RBM46: variants seen among roughly 807,000 people sequenced by gnomAD.
The protein encoded by RBM46 is RNA binding motif protein 46, also known as probable RNA-binding protein 46.
A neutral mutation model predicts 43.3 loss-of-function variants in RBM46; 12 were observed. That is an observed-to-expected ratio of 0.28 (90% CI 0.18 to 0.45). The LOEUF is 0.45. Among genes scored for constraint, RBM46 ranks in the 20% least tolerant of loss-of-function variants. The pLI is 1.00. For synonymous variants in RBM46, 205 were observed against 207.6 expected (o/e 0.99, Z 0.11); for missense variants, 412 against 639.1 (o/e 0.64, Z 3.83).
Position 154,799,032 on chromosome 4 carries a change from T to C in RBM46, c.870T>C (p.Val290=), listed in dbSNP as rs760752543. ...NREDAVAAMS[V]MNGKCIDGAS... is the part of the protein sequence containing the mutation. ...AAGATGCAGTGGCTGCCATGTCTGT[T>C]ATGAATGGAAAATGCATTGATGGAG... Residue 290 remains valine, a synonymous_variant, in exon 4 of 5, where the codon GTT becomes GTC. Coordinates refer to ENST00000281722, the MANE Select transcript of RBM46 (RefSeq NM_144979.5). 80 of 1,614,076 alleles carry C rather than the reference T, an allele frequency of 5.0e-5. No individual in the cohort carries two copies. Among genetic ancestry groups the C allele is most frequent in the Non-Finnish European group, 6.4e-5 (75 of 1,180,038 alleles).
rs156589 is a variant in RBM46, at chr4:154,805,584, A to G, written c.1402+6020A>G. On this transcript the variant is annotated intron_variant, in intron 4 of 4. Coordinates refer to ENST00000281722, the MANE Select transcript of RBM46 (RefSeq NM_144979.5). ...GTTATCACTTGTAAATTTGTTGTTG[A>G]AAGTTACACTTTTGTGAAAGTATAC... Among the ~76,000 whole-genome samples the G allele has an allele frequency of 3.9e-3, 588 of 152,148 alleles. 9 individuals carry two copies. The highest frequency in any genetic ancestry group is 0.013 in the African/African-American group (554 of 41,584).
At chr4:154,788,002 A>C (rs1017884199) in intron 1 of RBM46, among the ~76,000 whole-genome samples, 3 of 152,080 alleles carry the variant, frequency 2.0e-5, no homozygotes, top group African/African-American at 7.2e-5. Flanking sequence ...GTGTCTGTTC[A>C]TATCCTTCGC....
chr4:154,788,368 G>A (rs1366070018), intron 1 of RBM46, among the ~76,000 whole-genome samples: 2 of 152,144 alleles, frequency 1.3e-5, no homozygotes, highest in East Asian at 1.9e-4. Flanking sequence ...TTTATATAAG[G>A]TGTAAGGAAG....
intron 4 of RBM46, among the ~76,000 whole-genome samples, chr4:154,821,400 T>C (rs750090599): frequency 1.3e-5 from 2 of 151,772 alleles, no homozygotes; most frequent in Non-Finnish European, 3.0e-5. Flanking sequence ...TACAACTTTT[T>C]TTTTAACCTA....
intron 4 of RBM46, among the ~76,000 whole-genome samples, chr4:154,821,940 C>G (rs1735740007): frequency 6.6e-6 from 1 of 151,682 alleles, no homozygotes; most frequent in African/African-American, 2.4e-5. Flanking sequence ...ATAAGCCTAT[C>G]TGTTCTAAAT....
chr4:154,791,718 C>T (rs1407622715), intron 1 of RBM46, among the ~76,000 whole-genome samples: 1 of 152,000 alleles, frequency 6.6e-6, no homozygotes. Context: ...ATAATGAGTT[C>T]TTTGTAAGAA....
At chr4:154,800,226 T>C (rs1309982990) in intron 4 of RBM46, among the ~76,000 whole-genome samples, 1 of 152,138 alleles carries the variant, frequency 6.6e-6, no homozygotes. Context: ...ATTAAACCAA[T>C]TTATTATAGA....
intron 4 of RBM46, among the ~76,000 whole-genome samples, chr4:154,822,577 A>G (rs945371115): frequency 6.6e-6 from 1 of 151,676 alleles, no homozygotes; most frequent in Non-Finnish European, 1.5e-5. Context: ...TTAAAAAAAA[A>G]AGTTTTTTTT....
chr4:154,792,626 T>G (rs143204434), intron 1 of RBM46, among the ~76,000 whole-genome samples: 5 of 152,262 alleles, frequency 3.3e-5, no homozygotes, highest in Non-Finnish European at 5.9e-5. Flanking sequence ...TTCTGTGATA[T>G]AAGTACATAT....
chr4:154,803,898 A>C (rs1734774086), intron 4 of RBM46, among the ~76,000 whole-genome samples: 1 of 151,884 alleles, frequency 6.6e-6, no homozygotes, highest in African/African-American at 2.4e-5. Context: ...AGGTGATTGG[A>C]TCATGGCGGT....
At chr4:154,796,930 A>G in intron 2 of RBM46, 27 bp downstream of exon 2, 1 of 1,597,426 alleles carries the variant, frequency 6.3e-7, no homozygotes, top group Non-Finnish European at 8.5e-7. Flanking sequence ...AGTCTTTTAA[A>G]TTTAATCTTT....
At chr4:154,814,877 A>T (rs1165627975) in intron 4 of RBM46, among the ~76,000 whole-genome samples, 1 of 151,576 alleles carries the variant, frequency 6.6e-6, no homozygotes, top group East Asian at 1.9e-4. Context: ...ATAACATTAC[A>T]TACAAACAGA....
At chr4:154,803,260 AG>A (rs780779858) in intron 4 of RBM46, among the ~76,000 whole-genome samples, 1 of 152,194 alleles carries the variant, frequency 6.6e-6, no homozygotes, top group Non-Finnish European at 1.5e-5. Context: ...CCTTAATAAA[AG>A]AAAAGCTGGA....
chr4:154,789,956 C>A (rs921716489), intron 1 of RBM46, among the ~76,000 whole-genome samples: 19 of 152,036 alleles, frequency 1.2e-4, no homozygotes, highest in African/African-American at 4.6e-4. Context: ...TCTAGTTTAT[C>A]TGTGTAGAGG....
intron 4 of RBM46, among the ~76,000 whole-genome samples, chr4:154,811,657 G>GTGTGTGTGTC (rs1314874747): frequency 1.3e-4 from 18 of 135,550 alleles, no homozygotes; most frequent in African/African-American, 5.1e-4. Flanking sequence ...GGATATGTGT[G>GTGTGTGTGTC]TGTGTGTGTG....
intron 4 of RBM46, 88 bp downstream of exon 4, chr4:154,799,652 C>A: frequency 1.1e-6 from 1 of 898,230 alleles, no homozygotes; most frequent in Non-Finnish European, 1.6e-6. Flanking sequence ...TTGAACTCAA[C>A]ATTAGTGGTA....
chr4:154,810,580 C>T (rs556674426), intron 4 of RBM46, among the ~76,000 whole-genome samples: 1 of 152,198 alleles, frequency 6.6e-6, no homozygotes, highest in South Asian at 2.1e-4. Flanking sequence ...TCTAAAAGAG[C>T]AAAGTTTTAA....
At chr4:154,789,282 C>T (rs112465771) in intron 1 of RBM46, among the ~76,000 whole-genome samples, 5,222 of 152,190 alleles carry the variant, frequency 0.034, 289 homozygotes, top group African/African-American at 0.12. Context: ...TTCCAGTGTT[C>T]GCCCATTCAG....
rs1344944811 is a variant in RBM46, at chr4:154,799,325, C to T, written c.1163C>T (p.Ser388Phe). The T allele has an allele frequency of 6.2e-7, 1 of 1,614,022 alleles. No individual in the cohort carries two copies. Among genetic ancestry groups the T allele is most frequent in the Admixed American group, 1.7e-5 (1 of 60,018 alleles). ...LTPISMYSLK[S>F]NHFNSAVMHL... ...CCAATTAGTATGTATTCTTTAAAAT[C>T]CAATCATTTTAATTCTGCAGTAATG... Residue 388 changes from serine (S) to phenylalanine (F), a missense_variant, in exon 4 of 5, where the codon TCC (serine) becomes TTC (phenylalanine). Ser to Phe is a radical substitution (Grantham distance 155). Coordinates refer to ENST00000281722, the MANE Select transcript of RBM46 (RefSeq NM_144979.5).
Sources: gnomAD v4.1 joint callset for allele counts (sites outside exome capture counted in the v4.1 genomes callset) on GRCh38, gnomAD v4.1.1 for gene constraint, MANE v1.5 for transcripts, NCBI Gene and HGNC (gene_info 2026-07-23, HGNC 2026-07-21) for gene names.